The following RIN1 variants were observed in gnomAD, a reference collection of about 807,000 sequenced individuals.
RIN1 encodes ras inhibitor 1.
RIN1 carries 52 observed loss-of-function variants against 64.9 expected under a neutral mutation model. The ratio of observed to expected loss-of-function variants is 0.80; its 90% CI spans 0.64 to 1.01. The LOEUF (loss-of-function observed/expected upper bound fraction) is 1.01. Among genes scored for constraint, RIN1 ranks in the 50% least tolerant of loss-of-function variants. The pLI, the probability that RIN1 is intolerant of heterozygous loss-of-function variation, is 0.00. For missense variants in RIN1, 1,040 were observed against 1,064.5 expected, an observed-to-expected ratio of 0.98 and a Z score of 0.32; for synonymous variants, 486 against 483.6, an observed-to-expected ratio of 1.00 and a Z score of -0.06.
rs1629387 is a variant in RIN1, at chr11:66,331,055, T to G, written c.*1221A>C. ...CTGGACTGCAAGGCCCGGGACCCCC[T>G]CTGCTGCTGCAGCCTTGGAGGCGCC... On this transcript the variant is annotated 3_prime_UTR_variant, in exon 10 of 10. Coordinates refer to ENST00000311320, the MANE Select transcript of RIN1 (RefSeq NM_004292.3). 1.0e-4 allele frequency: 16 copies of G among 152,586 alleles called. No homozygotes were observed. The highest frequency in any genetic ancestry group is 3.8e-4 in the African/African-American group (16 of 41,602). The allele number at this position is 152,586 out of a possible 1,614,324, so 9.5% of individuals were successfully genotyped here. A position where few individuals can be genotyped will look rare whatever the true frequency, so the allele number is the denominator to read the frequency against.
At chr11:66,336,463 C>G, upstream of RIN1, 1 of 1,433,760 alleles carries the variant, frequency 7.0e-7, no homozygotes, top group Non-Finnish European at 9.6e-7. Flanking sequence ...ACGCACATCC[C>G]CAGTGAGTAA....
rs750550283 is a variant in RIN1 at position 66,333,989 on chromosome 11, T to A, written c.1521A>T (p.Ser507=). The change falls in exon 7 of 10, where the codon TCA becomes TCT. Residue 507 remains serine, a synonymous_variant. Coordinates refer to ENST00000311320, the MANE Select transcript of RIN1 (RefSeq NM_004292.3). The part of the protein sequence containing the change: ...QKLLQLLRTY[S]PSAQVKRLLQ... ...GGAGCCGCTTGACCTGGGCGCTGGG[T>A]GAGTAGGTGCGGAGCAGCTGCAGCA... 6.4e-6 allele frequency: 10 copies of A among 1,562,772 alleles called. No individual in the cohort carries two copies. Among genetic ancestry groups the A allele is most frequent in the Non-Finnish European group, 8.7e-6 (10 of 1,154,186 alleles).
At chr11:66,336,271 G>A (rs768293889) in intron 1 of RIN1, 46 bp downstream of exon 1, 19 of 1,553,194 alleles carry the variant, frequency 1.2e-5, no homozygotes, top group South Asian at 8.2e-5. Flanking sequence ...CCCTCCTCTC[G>A]CAGCCCCTCC....
chr11:66,334,126 G>C lies in RIN1; in HGVS notation c.1384C>G (p.Leu462Val), dbSNP rs1426208944. ...LRRRLAADGS[L>V]GRLAEGLRLA... is the part of the protein sequence containing the mutation. ...CGGAGGCCCTCAGCTAGGCGGCCCAGGGAGCCGTCTGCGGCAAGCCGGCGC... is the reference window on the plus strand; with the variant it reads ...CGGAGGCCCTCAGCTAGGCGGCCCACGGAGCCGTCTGCGGCAAGCCGGCGC... Residue 462 changes from leucine (L) to valine (V), a missense_variant, in exon 7 of 10, where the codon CTG (leucine) becomes GTG (valine). Coordinates refer to ENST00000311320, the MANE Select transcript of RIN1 (RefSeq NM_004292.3). The C allele has an allele frequency of 2.5e-5, 39 of 1,550,098 alleles. No individual in the cohort carries two copies. Among genetic ancestry groups the C allele is most frequent in the Non-Finnish European group, 3.3e-5 (38 of 1,148,564 alleles).
chr11:66,333,052 G>A, intron 9 of RIN1: 1 of 627,460 alleles, frequency 1.6e-6, no homozygotes. Flanking sequence ...TCAACCCCAG[G>A]AGGTAGGTCC....
rs1186303891 is a variant in RIN1, at chr11:66,336,349, G to A, written c.54C>T (p.Ser18=). The A allele has an allele frequency of 6.2e-7, 1 of 1,613,770 alleles. No homozygotes were observed. ...TCGCCAGGTGCCCAGTAGTGAAGCT[G>A]GACGGGCTGGGGGCTCCAGGAGAGC... is the stretch of plus-strand genomic sequence containing the variant. ...GAGSPGAPSP[S]SFTTGHLARE... Residue 18 remains serine, a synonymous_variant, in exon 1 of 10, where the codon TCC becomes TCT. Transcript: ENST00000311320.
chr11:66,332,355 C>G lies in RIN1; in HGVS notation c.2273G>C (p.Gly758Ala). ...GCCTTCCTGGGCTTGACCCTGGCCC[C>G]CTTCAGCAGTTGTCTCAGACTGTTC... ...IREQSETTAEGGQGQAQEGPA... is the reference protein window; with the variant it reads ...IREQSETTAEAGQGQAQEGPA... Residue 758 changes from glycine (G) to alanine (A), a missense_variant, in exon 10 of 10, where the codon GGG (glycine) becomes GCG (alanine). Physicochemically the swap from Gly to Ala is moderately conservative, Grantham distance 60. Transcript: ENST00000311320. 6.2e-7 allele frequency: 1 copy of G among 1,614,178 alleles called. No homozygotes were observed. Among genetic ancestry groups the G allele is most frequent in the Admixed American group, 1.7e-5 (1 of 60,022 alleles).
intron 9 of RIN1, 28 bp from the exon 10 acceptor site, chr11:66,332,780 T>A: frequency 6.8e-7 from 1 of 1,462,152 alleles, no homozygotes; most frequent in Non-Finnish European, 9.1e-7. Flanking sequence ...CAAAAACAAG[T>A]ACTCAGCCCC....
rs751976082 is a variant in RIN1 at position 66,334,495 on chromosome 11, T to C, written c.1285+19A>G. 3.8e-6 allele frequency: 6 copies of C among 1,593,388 alleles called. No homozygotes were observed. The highest frequency in any genetic ancestry group is 2.3e-5 in the South Asian group (2 of 87,452). ...GTCGGATGGGGCAGTGCTGGAGCTA[T>C]GGAGAGACGGAGCCTCACCCAGCCT... On this transcript the variant is annotated intron_variant, in intron 6 of 9. Coordinates refer to ENST00000311320, the MANE Select transcript of RIN1 (RefSeq NM_004292.3).
In RIN1 at chr11:66,333,931, T is replaced by A. The variant is rs897528667; in HGVS notation, c.1579A>T (p.Arg527Trp). 2 of 1,537,784 alleles carry A rather than the reference T, an allele frequency of 1.3e-6. No homozygotes were observed. Among genetic ancestry groups the A allele is most frequent in the Non-Finnish European group, 8.8e-7 (1 of 1,141,598 alleles). Residue 527 changes from arginine (R) to tryptophan (W), a missense_variant, in exon 7 of 10, where the codon AGG becomes TGG. Arg to Trp is a moderately radical substitution (Grantham distance 101). Coordinates refer to ENST00000311320, the MANE Select transcript of RIN1 (RefSeq NM_004292.3). ...GGCAGGGACATACCTTCCTGGGTCC[T>A]CAGGGCCATGTAGAGCAGCTTGCAG... ...QACKLLYMAL[R>W]TQEGEGAGAD...
chr11:66,335,008 G>A lies in RIN1; in HGVS notation c.791C>T (p.Pro264Leu). 1.3e-6 allele frequency: 2 copies of A among 1,542,778 alleles called. No individual in the cohort carries two copies. Among genetic ancestry groups the A allele is most frequent in the Non-Finnish European group, 1.7e-6 (2 of 1,147,012 alleles). Residue 264 changes from proline to leucine, a missense_variant, in exon 6 of 10, where the codon CCT (proline) becomes CTT (leucine). Pro to Leu is a moderately conservative substitution (Grantham distance 98). Coordinates refer to ENST00000311320, the MANE Select transcript of RIN1 (RefSeq NM_004292.3). Reference protein sequence around the residue: ...SSPLSPPAVPPPPVPVLPGAV... With the variant: ...SSPLSPPAVPLPPVPVLPGAV... ...CCCTGGCAGCACGGGGACGGGGGGA[G>A]GTGGCACGGCAGGTGGAGACAGGGG...
chr11:66,336,284 G>T, intron 1 of RIN1, 33 bp downstream of exon 1: 1 of 1,578,596 alleles, frequency 6.3e-7, no homozygotes, highest in South Asian at 1.2e-5. Flanking sequence ...GCCCCTCCCT[G>T]CCCCACCTGG....
chr11:66,332,874 G>A (rs1014655176), intron 9 of RIN1, 122 bp from the exon 10 acceptor site: 1 of 790,574 alleles, frequency 1.3e-6, no homozygotes, highest in South Asian at 1.8e-5. Flanking sequence ...AGATCCAGTG[G>A]GAGAACCAAG....
In RIN1 at chr11:66,334,859, C is replaced by A; in HGVS notation, c.940G>T (p.Val314Leu). Reference protein sequence around the residue: ...SLPPMPSLQEVDCGSPSSSEE... With the variant: ...SLPPMPSLQELDCGSPSSSEE... ...GAGCTGCTGGGGGAGCCGCAGTCCA[C>A]CTCTTGGAGGGAGGGCATAGGCGGA... The change falls in exon 6 of 10, where the codon GTG becomes TTG. Residue 314 changes from valine to leucine, a missense_variant. Transcript: ENST00000311320. The A allele has an allele frequency of 6.4e-7, 1 of 1,558,428 alleles. No homozygotes were observed. The highest frequency in any genetic ancestry group is 8.7e-7 in the Non-Finnish European group (1 of 1,150,238).
In RIN1 at chr11:66,330,960, C is replaced by G. The variant is rs540995099; in HGVS notation, c.*1316G>C. 1 of 152,422 alleles carries G rather than the reference C, an allele frequency of 6.6e-6. No individual in the cohort carries two copies. The highest frequency in any genetic ancestry group is 2.1e-4 in the South Asian group (1 of 4,834). The allele number at this position is 152,422 out of a possible 1,614,324, so 9.4% of individuals were successfully genotyped here. A position where few individuals can be genotyped will look rare whatever the true frequency, so the allele number is the denominator to read the frequency against. On this transcript the variant is annotated 3_prime_UTR_variant, in exon 10 of 10. Transcript: ENST00000311320. ...CCCCAAGAGGCTGGCCTTACCCAGA[C>G]CCCAGAATCTAAGGGACCTGGGGGC...
In RIN1 at chr11:66,336,163, G is replaced by T; in HGVS notation, c.87-5C>A. ...TACAGTGGGTCCTGGGCTGGCCTGG[G>T]GGCAGGCACCCAGATCTGAGCAGGG... On this transcript the variant is annotated splice_polypyrimidine_tract_variant and splice_region_variant and intron_variant, in intron 1 of 9. Coordinates refer to ENST00000311320, the MANE Select transcript of RIN1 (RefSeq NM_004292.3). The T allele has an allele frequency of 6.9e-7, 1 of 1,453,354 alleles. No homozygotes were observed. Among genetic ancestry groups the T allele is most frequent in the Non-Finnish European group, 9.1e-7 (1 of 1,102,554 alleles). 90.0% of individuals were successfully genotyped at this position (1,453,354 alleles called of 1,614,324 possible).
chr11:66,335,507 A>G lies in RIN1; in HGVS notation c.456-9T>C. ...GGAGGAGAAGGATGTCCCTGAGGCC[A>G]GAGAGGGGAGCAGAAGGGAGTGAGG... On this transcript the variant is annotated splice_polypyrimidine_tract_variant and intron_variant, in intron 4 of 9. Transcript: ENST00000311320. 2.5e-6 allele frequency: 4 copies of G among 1,613,588 alleles called. No individual in the cohort carries two copies. Among genetic ancestry groups the G allele is most frequent in the East Asian group, 2.2e-5 (1 of 44,864 alleles).
In RIN1 at chr11:66,332,158, C is replaced by A. The variant is rs113231205; in HGVS notation, c.*118G>T. ...CCCCAGCTTCCCTGGAAACAAGTAT[C>A]AGACAAAGGTGGTGGCAGACACAGG... On this transcript the variant is annotated 3_prime_UTR_variant, in exon 10 of 10. Transcript: ENST00000311320. The A allele has an allele frequency of 7.9e-4, 721 of 912,304 alleles. 7 individuals carry two copies. The African/African-American group carries it at 0.01, about 13-fold the overall frequency. 56.5% of individuals were successfully genotyped at this position (912,304 alleles called of 1,614,324 possible).
At chr11:66,336,275 C>A in intron 1 of RIN1, 42 bp downstream of exon 1, 1 of 1,560,890 alleles carries the variant, frequency 6.4e-7, no homozygotes, top group East Asian at 2.3e-5. Context: ...CCTCTCGCAG[C>A]CCCTCCCTGC....
Sources: gnomAD v4.1 joint callset for allele counts on GRCh38, gnomAD v4.1.1 for gene constraint, MANE v1.5 for transcripts, NCBI Gene and HGNC (gene_info 2026-07-23, HGNC 2026-07-21) for gene names.